PLG: variants seen among roughly 807,000 people sequenced by gnomAD.
PLG encodes plasminogen.
A neutral mutation model predicts 104.4 loss-of-function variants in PLG; 41 were observed. That is an observed-to-expected ratio of 0.39 (90% confidence interval 0.31 to 0.51). PLG has a LOEUF of 0.51. PLG is among the 20% of genes least tolerant of loss of function. The pLI is 0.76. For missense variants in PLG, 891 were observed against 1,003.6 expected (o/e 0.89, Z 1.52); for synonymous variants, 337 against 357.1 (o/e 0.94, Z 0.63).
rs1778179041 is a variant in PLG at position 160,740,802 on chromosome 6, CA to C, written c.2019-507del. On this transcript the variant is annotated intron_variant, in intron 16 of 18. Transcript: ENST00000308192. This position sits in a 1 kb window ranked among gnomAD's most constrained non-coding sequence, Gnocchi z 5.2. ...TTTCCAATCCTCTTTCATTTGGTAT[CA>C]AGTATTTTACTGGATTCTTACAACT... Among the ~76,000 whole-genome samples, 2 of 152,242 alleles carry C rather than the reference CA, an allele frequency of 1.3e-5. No individual in the cohort carries two copies. The highest frequency in any genetic ancestry group is 4.2e-4 in the South Asian group (2 of 4,810).
intron 17 of PLG, among the ~76,000 whole-genome samples, chr6:160,751,526 A>T (rs74925041): frequency 0.012 from 1,890 of 152,360 alleles, 36 homozygotes; most frequent in African/African-American, 0.043. Flanking sequence ...AAGGTTTACT[A>T]TTTTAACCAT....
intron 10 of PLG, among the ~76,000 whole-genome samples, chr6:160,729,678 A>G (rs952617187): frequency 2.0e-5 from 3 of 152,226 alleles, no homozygotes; most frequent in Non-Finnish European, 4.4e-5. Context: ...AGGAGAGGTA[A>G]AACTAATCTT....
chr6:160,704,346 A>G (rs1246596563), intron 1 of PLG, among the ~76,000 whole-genome samples: 5 of 152,278 alleles, frequency 3.3e-5, no homozygotes, highest in South Asian at 2.1e-4. Context: ...TATGAAGCAT[A>G]GTAACATAAC....
At chr6:160,718,182 G>C (rs1777772954) in intron 7 of PLG, 112 bp from the exon 8 acceptor site, 5 of 871,618 alleles carry the variant, frequency 5.7e-6, no homozygotes, top group Non-Finnish European at 9.6e-6. Context: ...AACCCAGGAG[G>C]CAGAGGTTGC....
chr6:160,729,588 A>G (rs1008964421), intron 10 of PLG, among the ~76,000 whole-genome samples: 7 of 152,246 alleles, frequency 4.6e-5, no homozygotes, highest in Non-Finnish European at 8.8e-5. Context: ...AATAGGATGG[A>G]TGGAACTCAA....
Position 160,725,285 on chromosome 6 carries a change from C to T in PLG, c.1256+2718C>T, listed in dbSNP as rs574358106. 6.6e-6 allele frequency among the ~76,000 whole-genome samples: 1 copy of T among 152,062 alleles called. No individual in the cohort carries two copies. Among genetic ancestry groups the T allele is most frequent in the Non-Finnish European group, 1.5e-5 (1 of 68,016 alleles). ...GCAAAATGATAGCAATGTATTGCTA[C>T]TTTAACATATGTAAAAGTAAAAATT... On this transcript the variant is annotated intron_variant, in intron 10 of 18. Transcript: ENST00000308192. The surrounding 1 kb of genome is among the most constrained non-coding windows in gnomAD (Gnocchi z 6.3).
At position 160,734,557 on chromosome 6, in the gene PLG, G is replaced by T. The variant is rs1004381934; in HGVS notation, c.1681+469G>T. Among the ~76,000 whole-genome samples, 1 of 152,096 alleles carries T rather than the reference G, an allele frequency of 6.6e-6. No individual in the cohort carries two copies. Among genetic ancestry groups the T allele is most frequent in the Non-Finnish European group, 1.5e-5 (1 of 68,006 alleles). On this transcript the variant is annotated intron_variant, in intron 13 of 18. Coordinates refer to ENST00000308192, the MANE Select transcript of PLG (RefSeq NM_000301.5). This position sits in a 1 kb window ranked among gnomAD's most constrained non-coding sequence, Gnocchi z 4.4. The stretch of plus-strand genomic sequence containing the variant: ...CAATGAAAGGTAGTGCAGCTCTTTA[G>T]CCCCAGATGGCCTTTCTTATAAGTT...
intron 3 of PLG, among the ~76,000 whole-genome samples, chr6:160,709,418 A>C (rs1777594841): frequency 6.6e-6 from 1 of 152,190 alleles, no homozygotes; most frequent in Admixed American, 6.5e-5. Flanking sequence ...TTCCCTGTTT[A>C]AAGCCCTTCC....
intron 8 of PLG, 46 bp downstream of exon 8, chr6:160,718,502 C>A: frequency 6.5e-7 from 1 of 1,531,792 alleles, no homozygotes; most frequent in Non-Finnish European, 9.1e-7. Flanking sequence ...ATGTGAAATC[C>A]CATTGACTTT....
chr6:160,715,786 T>TA (rs1777717337), intron 6 of PLG, among the ~76,000 whole-genome samples: 1 of 152,110 alleles, frequency 6.6e-6, no homozygotes, highest in Non-Finnish European at 1.5e-5. Flanking sequence ...AAAGGAGAAA[T>TA]ACAGGAAAGA....
At chr6:160,742,743 T>C (rs1778215723) in intron 17 of PLG, among the ~76,000 whole-genome samples, 1 of 152,194 alleles carries the variant, frequency 6.6e-6, no homozygotes, top group South Asian at 2.1e-4. Context: ...CAGGATGGTG[T>C]TACCTAGGTT....
Position 160,726,588 on chromosome 6 carries a change from TA to T in PLG, c.1256+4031del, listed in dbSNP as rs34063692. On this transcript the variant is annotated intron_variant, in intron 10 of 18. Coordinates refer to ENST00000308192, the MANE Select transcript of PLG (RefSeq NM_000301.5). This position sits in a 1 kb window ranked among gnomAD's most constrained non-coding sequence, Gnocchi z 4.4. ...TATGAGGTTAAAACACCTTTAAATT[TA>T]AAAAAAAAAGATTTTATTTGCTATT... Among the ~76,000 whole-genome samples, 6 of 150,028 alleles carry T rather than the reference TA, an allele frequency of 4.0e-5. No individual in the cohort carries two copies. Among genetic ancestry groups the T allele is most frequent in the Admixed American group, 1.3e-4 (2 of 15,064 alleles).
At chr6:160,707,026 A>G (rs1176802109) in intron 2 of PLG, among the ~76,000 whole-genome samples, 23 of 151,980 alleles carry the variant, frequency 1.5e-4, no homozygotes, top group Admixed American at 1.5e-3. Context: ...CAGAAGAAAG[A>G]ACAGTGCCTA....
Position 160,736,927 on chromosome 6 carries a change from G to A in PLG, c.1722G>A (p.Pro574=), listed in dbSNP as rs146030266. ...SFDCGKPQVE[P]KKCPGRVVGG... ...ATTGTGGGAAGCCTCAAGTGGAGCC[G>A]AAGAAATGTCCTGGAAGGGTTGTAG... The change falls in exon 14 of 19, where the codon CCG becomes CCA. Residue 574 remains proline (P), a synonymous_variant. Coordinates refer to ENST00000308192, the MANE Select transcript of PLG (RefSeq NM_000301.5). This position sits in a 1 kb window ranked among gnomAD's most constrained non-coding sequence, Gnocchi z 5.2. 60 of 1,613,858 alleles carry A rather than the reference G, an allele frequency of 3.7e-5. No individual in the cohort carries two copies. Among genetic ancestry groups the A allele is most frequent in the East Asian group, 8.9e-5 (4 of 44,884 alleles).
At position 160,736,269 on chromosome 6, in the gene PLG, T is replaced by C. The variant is rs1289971034; in HGVS notation, c.1682-618T>C. ...AGAAGAATAAAGTCATATGTTTAAGTCACCCCCACGGCCGTTGGTTAGTCA... is the reference window on the plus strand; with the variant it reads ...AGAAGAATAAAGTCATATGTTTAAGCCACCCCCACGGCCGTTGGTTAGTCA... On this transcript the variant is annotated intron_variant, in intron 13 of 18. Transcript: ENST00000308192. This position sits in a 1 kb window ranked among gnomAD's most constrained non-coding sequence, Gnocchi z 5.2. Among the ~76,000 whole-genome samples, 1 of 151,916 alleles carries C rather than the reference T, an allele frequency of 6.6e-6. No homozygotes were observed. Among genetic ancestry groups the C allele is most frequent in the Non-Finnish European group, 1.5e-5 (1 of 68,020 alleles).
At chr6:160,747,743 TG>T (rs1475058397) in intron 17 of PLG, among the ~76,000 whole-genome samples, 1 of 152,224 alleles carries the variant, frequency 6.6e-6, no homozygotes, top group African/African-American at 2.4e-5. Context: ...CTTGATTTCT[TG>T]ATCTCCCTTT....
Position 160,734,200 on chromosome 6 carries a change from C to A in PLG, c.1681+112C>A. 1.5e-6 allele frequency: 1 copy of A among 662,008 alleles called. No individual in the cohort carries two copies. The highest frequency in any genetic ancestry group is 2.8e-6 in the Non-Finnish European group (1 of 351,782). 41.0% of individuals were successfully genotyped at this position (662,008 alleles called of 1,614,324 possible). On this transcript the variant is annotated intron_variant, in intron 13 of 18. Coordinates refer to ENST00000308192, the MANE Select transcript of PLG (RefSeq NM_000301.5). This position sits in a 1 kb window ranked among gnomAD's most constrained non-coding sequence, Gnocchi z 4.4. Reference sequence around the variant, plus strand: ...TCTGGGGAGGAGATAGCTGCCCTCTCCATCAGACCCCACTCTTCATCATGG... The same window carrying A: ...TCTGGGGAGGAGATAGCTGCCCTCTACATCAGACCCCACTCTTCATCATGG...
At chr6:160,721,637 C>G (rs1370282000) in intron 9 of PLG, among the ~76,000 whole-genome samples, 6 of 152,198 alleles carry the variant, frequency 3.9e-5, no homozygotes, top group African/African-American at 1.4e-4. Flanking sequence ...CATTGACACT[C>G]GGCTGTTTCT....
At position 160,739,990 on chromosome 6, in the gene PLG, G is replaced by T. The variant is rs573749382; in HGVS notation, c.2018+782G>T. ...TTGGAGCCAGATACTAGTTGAGTCA[G>T]CTAAGAAACAGCTATTTGTAGGAGA... On this transcript the variant is annotated intron_variant, in intron 16 of 18. Transcript: ENST00000308192. The surrounding 1 kb of genome is among the most constrained non-coding windows in gnomAD (Gnocchi z 4.4). 6.6e-6 allele frequency among the ~76,000 whole-genome samples: 1 copy of T among 152,320 alleles called. No individual in the cohort carries two copies. The highest frequency in any genetic ancestry group is 1.9e-4 in the East Asian group (1 of 5,188).
Sources: allele counts gnomAD v4.1 joint callset (sites outside exome capture counted in the v4.1 genomes callset), GRCh38; gene constraint gnomAD v4.1.1; non-coding constraint Gnocchi (gnomAD v3.1); transcripts MANE v1.5; gene names NCBI Gene and HGNC (gene_info 2026-07-23, HGNC 2026-07-21).